The following DNAH12 variants were observed in gnomAD, a reference collection of about 807,000 sequenced individuals.
The protein encoded by DNAH12 is dynein axonemal heavy chain 12.
In DNAH12, 285 loss-of-function variants were observed where a neutral mutation model predicts 371.5. The observed-to-expected ratio is 0.77, with a 90% confidence interval of 0.70 to 0.85. The LOEUF is 0.85. Ranked by LOEUF, DNAH12 falls within the 40% of genes least tolerant of loss-of-function variation. The pLI is 0.00. For missense variants in DNAH12, 3,611 were observed against 3,689.4 expected (o/e 0.98, Z 0.55); for synonymous variants, 1,200 against 1,213.0 (o/e 0.99, Z 0.22).
intron 18 of DNAH12, 123 bp downstream of exon 18, chr3:57,462,567 A>C: frequency 3.5e-6 from 4 of 1,150,566 alleles, no homozygotes; most frequent in Non-Finnish European, 4.7e-6. Flanking sequence ...GTGGTCTTCT[A>C]TCACTCTCCC....
chr3:57,394,537 C>G lies in DNAH12; in HGVS notation c.6949-205G>C, dbSNP rs1001500741. On this transcript the variant is annotated intron_variant, in intron 43 of 73. Coordinates refer to ENST00000495027, the MANE Select transcript of DNAH12 (RefSeq NM_001366028.2). ...AACTGGTCAGAGTTTCCCCAAAACC[C>G]TAGACATAATCACTGATTCAGAGGA... Among the ~76,000 whole-genome samples the G allele has an allele frequency of 2.0e-5, 3 of 152,268 alleles. No individual in the cohort carries two copies. In the East Asian group the frequency reaches 5.8e-4, roughly 29 times the overall value.
chr3:57,438,497 T>C (rs956480497), intron 29 of DNAH12, among the ~76,000 whole-genome samples: 1 of 152,072 alleles, frequency 6.6e-6, no homozygotes, highest in Non-Finnish European at 1.5e-5. Context: ...TCAAACTGTC[T>C]TCTCTGACAA....
At chr3:57,389,197 T>C (rs1272542866) in intron 45 of DNAH12, among the ~76,000 whole-genome samples, 1 of 150,974 alleles carries the variant, frequency 6.6e-6, no homozygotes, top group Non-Finnish European at 1.5e-5. Flanking sequence ...TCTTATTTAC[T>C]CTCTGTCCCC....
At chr3:57,445,876 T>C (rs1026397555) in intron 27 of DNAH12, among the ~76,000 whole-genome samples, 155 bp downstream of exon 27, 47 of 152,004 alleles carry the variant, frequency 3.1e-4, no homozygotes, top group African/African-American at 1.1e-3. Context: ...TAGTCCCAGC[T>C]ACTCGGGAGA....
chr3:57,385,805 C>T (rs989538289), intron 47 of DNAH12, among the ~76,000 whole-genome samples: 4 of 152,032 alleles, frequency 2.6e-5, no homozygotes, highest in African/African-American at 4.8e-5. Flanking sequence ...TTGCTTGAAC[C>T]CGGGAGGTGG....
intron 2 of DNAH12, among the ~76,000 whole-genome samples, chr3:57,539,107 T>C (rs966025372): frequency 3.9e-5 from 6 of 152,204 alleles, no homozygotes; most frequent in Admixed American, 2.6e-4. Flanking sequence ...TAAGTTCTCA[T>C]CTATGCTACT....
rs1201361123 is a variant in DNAH12 at position 57,361,444 on chromosome 3, C to CTATATATATATA, written c.9360+2138_9360+2149dup. On this transcript the variant is annotated intron_variant, in intron 58 of 73. Coordinates refer to ENST00000495027, the MANE Select transcript of DNAH12 (RefSeq NM_001366028.2). ...CACTATATATATATACACACACACA[C>CTATATATATATA]TATATATATATATATATATATATAT... is the stretch of plus-strand genomic sequence containing the variant. 9.1e-3 allele frequency among the ~76,000 whole-genome samples: 1,057 copies of CTATATATATATA among 116,636 alleles called. 16 individuals are homozygous for CTATATATATATA. Among genetic ancestry groups the CTATATATATATA allele is most frequent in the East Asian group, 0.039 (151 of 3,852 alleles). 76.5% of individuals were successfully genotyped at this position (116,636 alleles called of 152,430 possible). A position where few individuals can be genotyped will look rare whatever the true frequency, so the allele number is the denominator to read the frequency against.
chr3:57,302,567 A>ATATATATATATATATTTTTTTTT (rs2061380979), intron 69 of DNAH12, among the ~76,000 whole-genome samples: 3 of 27,484 alleles, frequency 1.1e-4, no homozygotes, highest in Non-Finnish European at 1.9e-4. Context: ...ATATATATGT[A>ATATATATATATATATTTTTTTTT]TTTTTTTTTT....
chr3:57,424,159 A>G (rs901976359), intron 35 of DNAH12, among the ~76,000 whole-genome samples: 2 of 152,158 alleles, frequency 1.3e-5, no homozygotes, highest in Non-Finnish European at 2.9e-5. Flanking sequence ...ATTGTTGATC[A>G]AATTATAATC....
At chr3:57,425,176 T>C in intron 34 of DNAH12, 35 bp from the exon 35 acceptor site, 1 of 680,962 alleles carries the variant, frequency 1.5e-6, no homozygotes, top group South Asian at 1.6e-5. Context: ...TTCTTAATTT[T>C]CATCTTATTT....
intron 13 of DNAH12, among the ~76,000 whole-genome samples, chr3:57,473,680 T>C (rs116773317): frequency 0.054 from 7,345 of 136,480 alleles, 253 homozygotes; most frequent in Non-Finnish European, 0.079. Context: ...ATATTATACA[T>C]ATGTATACAT....
intron 39 of DNAH12, among the ~76,000 whole-genome samples, chr3:57,408,746 C>CG (rs782514312): frequency 0.29 from 31,143 of 106,780 alleles, 4,144 homozygotes; most frequent in Non-Finnish European, 0.36. Flanking sequence ...TTTTGGATAT[C>CG]TGGAATGACC....
rs143134131 is a variant in DNAH12, at chr3:57,523,824, T to G, written c.231A>C (p.Pro77=). Residue 77 remains proline (P), a synonymous_variant, in exon 3 of 74, where the codon CCA becomes CCC. Coordinates refer to ENST00000495027, the MANE Select transcript of DNAH12 (RefSeq NM_001366028.2). ...RTLGKRTPLL[P]PPDYPQTMTS... is the part of the protein sequence containing the mutation. ...TTACAGTTTGAGGATAATCAGGTGG[T>G]GGTAATAGAGGTGTTCTTTTACCCA... 1.9e-6 allele frequency: 3 copies of G among 1,604,364 alleles called. No individual in the cohort carries two copies. The highest frequency in any genetic ancestry group is 2.7e-5 in the African/African-American group (2 of 74,694).
Position 57,433,527 on chromosome 3 carries a change from A to C in DNAH12, c.4840-20T>G. ...AGTCCACTGAGGAGGAAAAAAAAGA[A>C]TTAAAAAGCTCTCCTCATAAAATTA... On this transcript the variant is annotated intron_variant, in intron 31 of 73. Coordinates refer to ENST00000495027, the MANE Select transcript of DNAH12 (RefSeq NM_001366028.2). 6.5e-7 allele frequency: 1 copy of C among 1,543,098 alleles called. No homozygotes were observed. Among genetic ancestry groups the C allele is most frequent in the Non-Finnish European group, 8.7e-7 (1 of 1,144,976 alleles).
intron 49 of DNAH12, among the ~76,000 whole-genome samples, chr3:57,383,584 A>T (rs1160835134): frequency 6.8e-6 from 1 of 147,506 alleles, no homozygotes; most frequent in Non-Finnish European, 1.5e-5. Flanking sequence ...AGTGACTCTT[A>T]AATGTGCCAG....
At chr3:57,303,341 A>C in intron 69 of DNAH12, among the ~76,000 whole-genome samples, 1 of 141,720 alleles carries the variant, frequency 7.1e-6, no homozygotes, top group Non-Finnish European at 1.5e-5. Context: ...CGCCAGCTCA[A>C]AAAAAAAAAA....
Position 57,368,049 on chromosome 3 carries a change from G to A in DNAH12, c.8971C>T (p.Gln2991Ter), listed in dbSNP as rs1314141866. Reference protein sequence around the residue: ...EPLLLRQTFKQGGIDCIRLGE... With the variant: ...EPLLLRQTFK ...ATTAATAGTAATTGCTTTATACCTT[G>A]TTTAAAAGTTTGTCTGAGTAGTAAA... The change falls in exon 56 of 74, where the codon CAA (glutamine) becomes TAA (stop). Residue 2991 changes from glutamine to a stop codon, truncating the protein, a stop_gained. Coordinates refer to ENST00000495027, the MANE Select transcript of DNAH12 (RefSeq NM_001366028.2). LOFTEE classifies it high-confidence loss of function. The A allele has an allele frequency of 1.3e-5, 2 of 152,138 alleles. No homozygotes were observed. Among genetic ancestry groups the A allele is most frequent in the East Asian group, 1.9e-4 (1 of 5,190 alleles). The allele number at this position is 152,138 out of a possible 1,614,324, so 9.4% of individuals were successfully genotyped here. A position where few individuals can be genotyped will look rare whatever the true frequency, so the allele number is the denominator to read the frequency against.
At chr3:57,445,035 C>CA (rs1236520012) in intron 28 of DNAH12, 139 bp downstream of exon 28, 3 of 1,192,600 alleles carry the variant, frequency 2.5e-6, no homozygotes, top group African/African-American at 1.5e-5. Flanking sequence ...CAACATAACC[C>CA]AAAAAACCAT....
At chr3:57,388,070 T>TA (rs2063531989) in intron 45 of DNAH12, among the ~76,000 whole-genome samples, 1 of 152,174 alleles carries the variant, frequency 6.6e-6, no homozygotes, top group Admixed American at 6.5e-5. Flanking sequence ...ATTTGCTTCC[T>TA]AGCCAGTCCT....
Sources: gnomAD v4.1 joint callset for allele counts (sites outside exome capture counted in the v4.1 genomes callset) on GRCh38, gnomAD v4.1.1 for gene constraint, MANE v1.5 for transcripts, NCBI Gene and HGNC (gene_info 2026-07-23, HGNC 2026-07-21) for gene names.